The following AHI1 variants were observed in gnomAD, a reference collection of about 807,000 sequenced individuals.
AHI1 encodes Abelson helper integration site 1, also known as jouberin.
AHI1 carries 123 observed loss-of-function variants against 149.3 expected under a neutral mutation model. That is an observed-to-expected ratio of 0.82 (90% CI 0.71 to 0.96). AHI1 has a LOEUF of 0.96. AHI1 is among the 40% of genes least tolerant of loss of function. The pLI, the probability that AHI1 is intolerant of heterozygous loss-of-function variation, is 0.00. For missense variants in AHI1, 1,439 were observed against 1,422.7 expected (o/e 1.01, Z -0.18); for synonymous variants, 475 against 459.8 (o/e 1.03, Z -0.42).
At chr6:135,468,565 G>A (rs928660029) in intron 5 of AHI1, among the ~76,000 whole-genome samples, 1 of 152,046 alleles carries the variant, frequency 6.6e-6, no homozygotes, top group Admixed American at 6.6e-5. Flanking sequence ...TTAGCCAGGC[G>A]TGACGGTGCA....
chr6:135,438,269 T>TG (rs1219570352), intron 15 of AHI1, 106 bp downstream of exon 15: 4 of 1,108,406 alleles, frequency 3.6e-6, no homozygotes, highest in South Asian at 3.5e-5. Flanking sequence ...AGTCCCTTCT[T>TG]GGGAAAATAC....
intron 5 of AHI1, among the ~76,000 whole-genome samples, chr6:135,469,374 T>C (rs1337558267): frequency 1.3e-5 from 2 of 152,172 alleles, no homozygotes; most frequent in African/African-American, 2.4e-5. Context: ...ATAAGAGCCA[T>C]TTATGACAAA....
intron 20 of AHI1, among the ~76,000 whole-genome samples, chr6:135,424,177 A>G (rs536286651): frequency 7.2e-5 from 11 of 152,188 alleles, no homozygotes; most frequent in African/African-American, 2.6e-4. Context: ...TGTAGCAAAT[A>G]AGAGCATGGA....
At chr6:135,429,856 T>A in intron 18 of AHI1, 26 bp downstream of exon 18, 4 of 1,325,340 alleles carry the variant, frequency 3.0e-6, no homozygotes, top group Non-Finnish European at 4.2e-6. Flanking sequence ...TGAGTACTTA[T>A]CCTGTCAACA....
At chr6:135,361,307 G>A (rs908757843) in intron 23 of AHI1, among the ~76,000 whole-genome samples, 15 of 151,958 alleles carry the variant, frequency 9.9e-5, no homozygotes, top group African/African-American at 3.4e-4. Context: ...TGTCAGTATT[G>A]TTGTTTTAAA....
At chr6:135,493,740 A>G (rs1246860013) in intron 3 of AHI1, among the ~76,000 whole-genome samples, 1 of 152,220 alleles carries the variant, frequency 6.6e-6, no homozygotes, top group African/African-American at 2.4e-5. Flanking sequence ...TATTATGACT[A>G]TGATTCATCA....
chr6:135,404,869 A>C (rs912649088), intron 22 of AHI1, 82 bp downstream of exon 22: 44 of 1,298,448 alleles, frequency 3.4e-5, no homozygotes, highest in Non-Finnish European at 4.1e-5. Context: ...AAAGGTTCCA[A>C]ACTCTATGAA....
intron 5 of AHI1, among the ~76,000 whole-genome samples, chr6:135,468,264 T>C (rs1461296422): frequency 6.6e-6 from 1 of 152,048 alleles, no homozygotes; most frequent in Admixed American, 6.6e-5. Flanking sequence ...TTAGAAGCAA[T>C]ATTTAATTTA....
intron 23 of AHI1, among the ~76,000 whole-genome samples, chr6:135,364,705 C>T (rs1239347405): frequency 1.3e-5 from 2 of 152,172 alleles, no homozygotes; most frequent in African/African-American, 4.8e-5. Context: ...GCCCGGCCAA[C>T]ACAGCGAATC....
At position 135,453,396 on chromosome 6, in the gene AHI1, G is replaced by T; in HGVS notation, c.1385C>A (p.Ser462Tyr). ...FLSVDEIKNN[S>Y]EVQNQECGFR... ...GCCACATTCTTGGTTTTGAACCTCA[G>T]AATTATTCTTAATTTCATCCACGCT... Residue 462 changes from serine (S) to tyrosine (Y), a missense_variant, in exon 11 of 29, where the codon TCT becomes TAT. Ser to Tyr is a moderately radical substitution (Grantham distance 144). Coordinates refer to ENST00000265602, the MANE Select transcript of AHI1 (RefSeq NM_001134831.2). The T allele has an allele frequency of 1.9e-6, 3 of 1,561,050 alleles. No individual in the cohort carries two copies. Among genetic ancestry groups the T allele is most frequent in the Non-Finnish European group, 1.7e-6 (2 of 1,151,276 alleles).
Position 135,300,572 on chromosome 6 carries a change from G to A in AHI1, c.3427-14C>T, listed in dbSNP as rs780951224. Reference sequence around the variant, plus strand: ...ATTGATTGATTGCTGTGGAAGAAGAGGAAAAACAAGTAGTAAGTAAAAAAT... The same window carrying A: ...ATTGATTGATTGCTGTGGAAGAAGAAGAAAAACAAGTAGTAAGTAAAAAAT... On this transcript the variant is annotated splice_polypyrimidine_tract_variant and intron_variant, in intron 26 of 28. Coordinates refer to ENST00000265602, the MANE Select transcript of AHI1 (RefSeq NM_001134831.2). 4 of 1,597,162 alleles carry A rather than the reference G, an allele frequency of 2.5e-6. No homozygotes were observed. Among genetic ancestry groups the A allele is most frequent in the Middle Eastern group, 3.3e-4 (2 of 6,044 alleles).
At chr6:135,380,744 CAAA>C (rs138451119) in intron 23 of AHI1, among the ~76,000 whole-genome samples, 2 of 100,462 alleles carry the variant, frequency 2.0e-5, no homozygotes, top group Non-Finnish European at 1.9e-5. Flanking sequence ...CCCCCCCCCC[CAAA>C]AAAAAAGTAC....
chr6:135,318,715 C>T (rs952854603), intron 25 of AHI1, 99 bp from the exon 26 acceptor site: 57 of 669,636 alleles, frequency 8.5e-5, no homozygotes, highest in Non-Finnish European at 1.3e-4. Context: ...TTAAAGAAAT[C>T]GATATTCAAT....
intron 28 of AHI1, among the ~76,000 whole-genome samples, chr6:135,287,009 TA>T (rs1781767068): frequency 6.6e-6 from 1 of 152,026 alleles, no homozygotes; most frequent in Non-Finnish European, 1.5e-5. Flanking sequence ...GAGAGACATA[TA>T]AACTTCTGCA....
At chr6:135,419,329 T>A (rs1782823214) in intron 20 of AHI1, among the ~76,000 whole-genome samples, 1 of 152,068 alleles carries the variant, frequency 6.6e-6, no homozygotes, top group South Asian at 2.1e-4. Context: ...TTATCAATCA[T>A]CACACAGAAT....
At chr6:135,298,441 C>G (rs1402665426) in intron 27 of AHI1, among the ~76,000 whole-genome samples, 1 of 151,764 alleles carries the variant, frequency 6.6e-6, no homozygotes. Flanking sequence ...GCAAAAGTTA[C>G]AAACTCAAAG....
rs370368125 is a variant in AHI1 at position 135,363,835 on chromosome 6, C to T, written c.3110-5648G>A. Among the ~76,000 whole-genome samples the T allele has an allele frequency of 2.4e-3, 224 of 92,354 alleles. 2 individuals carry two copies. Among genetic ancestry groups the T allele is most frequent in the South Asian group, 0.011 (26 of 2,448 alleles). The allele number at this position is 92,354 out of a possible 152,430, so 60.6% of individuals were successfully genotyped here. A position where few individuals can be genotyped will look rare whatever the true frequency, so the allele number is the denominator to read the frequency against. ...GAGGGGCTCCTCACTTCCCAGTAGG[C>T]GCGGCCGGGCAGAGGCGCCCCTCAC... is the stretch of plus-strand genomic sequence containing the variant. On this transcript the variant is annotated intron_variant, in intron 23 of 28. Coordinates refer to ENST00000265602, the MANE Select transcript of AHI1 (RefSeq NM_001134831.2).
At chr6:135,378,436 T>A (rs571006386) in intron 23 of AHI1, among the ~76,000 whole-genome samples, 6 of 152,358 alleles carry the variant, frequency 3.9e-5, no homozygotes, top group Admixed American at 6.5e-5. Context: ...TAGTATTTGA[T>A]AAATTTCCTC....
At chr6:135,286,301 G>GT (rs1311552477) in intron 28 of AHI1, 1 of 152,328 alleles carries the variant, frequency 6.6e-6, no homozygotes, top group Non-Finnish European at 1.5e-5. Flanking sequence ...ACAGCATGTA[G>GT]TATTTGCACT....
Sources: gnomAD v4.1 joint callset for allele counts (sites outside exome capture counted in the v4.1 genomes callset) on GRCh38, gnomAD v4.1.1 for gene constraint, MANE v1.5 for transcripts, NCBI Gene and HGNC (gene_info 2026-07-23, HGNC 2026-07-21) for gene names.